NKAIN3: variants seen among roughly 807,000 people sequenced by gnomAD.
NKAIN3 encodes the protein sodium/potassium transporting ATPase interacting 3, also known as sodium/potassium-transporting ATPase subunit beta-1-interacting protein 3.
Under a neutral mutation model 30.2 loss-of-function variants are expected in NKAIN3, and 25 were observed. That is an observed-to-expected ratio of 0.83 (90% CI 0.60 to 1.16). The LOEUF is 1.16. Ranked by LOEUF, NKAIN3 falls within the 50% of genes most tolerant of loss-of-function variation. The pLI, the probability that NKAIN3 is intolerant of heterozygous loss-of-function variation, is 0.00. For missense variants in NKAIN3, 225 were observed against 254.1 expected (o/e 0.89, Z 0.78); for synonymous variants, 91 against 89.6 (o/e 1.02, Z -0.09).
intron 3 of NKAIN3, among the ~76,000 whole-genome samples, chr8:62,673,667 A>G (rs2130393989): frequency 1.3e-5 from 2 of 152,308 alleles, no homozygotes; most frequent in Middle Eastern, 6.8e-3. Flanking sequence ...GGTAGTGCCT[A>G]CTACATGCTT....
At chr8:62,423,442 A>G (rs1178001383) in intron 1 of NKAIN3, among the ~76,000 whole-genome samples, 1 of 149,274 alleles carries the variant, frequency 6.7e-6, no homozygotes, top group Non-Finnish European at 1.5e-5. Context: ...TATATATATT[A>G]TTTATACATA....
intron 3 of NKAIN3, among the ~76,000 whole-genome samples, chr8:62,670,317 T>C (rs34519764): frequency 0.055 from 8,304 of 152,276 alleles, 323 homozygotes; most frequent in Middle Eastern, 0.11. Context: ...ACTTGCAATA[T>C]AAAGAACATC....
chr8:62,580,854 G>A (rs972221390), intron 2 of NKAIN3, among the ~76,000 whole-genome samples: 2 of 151,298 alleles, frequency 1.3e-5, no homozygotes, highest in African/African-American at 4.9e-5. Flanking sequence ...ACTTTGGGAG[G>A]CTGAGGCAGG....
intron 1 of NKAIN3, among the ~76,000 whole-genome samples, chr8:62,386,070 A>G (rs1817416171): frequency 6.6e-6 from 1 of 152,202 alleles, no homozygotes; most frequent in South Asian, 2.1e-4. Flanking sequence ...GTACTTGTGT[A>G]CTGAGACTTC....
chr8:62,509,250 C>T (rs1191515538), intron 1 of NKAIN3, among the ~76,000 whole-genome samples: 2 of 152,006 alleles, frequency 1.3e-5, no homozygotes, highest in East Asian at 1.9e-4. Flanking sequence ...ATTATAGAGA[C>T]ATTTCTTCTT....
At chr8:62,740,881 A>G (rs1336057846) in intron 3 of NKAIN3, among the ~76,000 whole-genome samples, 1 of 152,160 alleles carries the variant, frequency 6.6e-6, no homozygotes, top group Non-Finnish European at 1.5e-5. Context: ...GGTAGATACC[A>G]TGGAATACAT....
At chr8:62,947,127 T>C (rs966116722) in intron 5 of NKAIN3, among the ~76,000 whole-genome samples, 5 of 152,232 alleles carry the variant, frequency 3.3e-5, no homozygotes, top group Admixed American at 2.0e-4. Flanking sequence ...TTAATGGATA[T>C]AGAAGTGTGC....
intron 4 of NKAIN3, among the ~76,000 whole-genome samples, chr8:62,784,189 TCAAA>T (rs1197128067): frequency 1.3e-5 from 2 of 151,940 alleles, no homozygotes; most frequent in Non-Finnish European, 2.9e-5. Context: ...AAAAAGGTTT[TCAAA>T]CAATTTGTCT....
intron 3 of NKAIN3, among the ~76,000 whole-genome samples, chr8:62,651,526 T>C (rs1812617416): frequency 6.6e-6 from 1 of 152,204 alleles, no homozygotes; most frequent in Non-Finnish European, 1.5e-5. Context: ...CAGAAATTTA[T>C]TCCCACTGTT....
intron 1 of NKAIN3, among the ~76,000 whole-genome samples, chr8:62,305,124 G>A (rs1277643847): frequency 6.7e-6 from 1 of 149,958 alleles, no homozygotes; most frequent in Non-Finnish European, 1.5e-5. Flanking sequence ...TTCTTAGTGT[G>A]TGGTTACATT....
intron 4 of NKAIN3, among the ~76,000 whole-genome samples, chr8:62,807,665 G>C (rs1818342887): frequency 6.7e-6 from 1 of 148,288 alleles, no homozygotes; most frequent in African/African-American, 2.5e-5. Flanking sequence ...CAATTCTCCT[G>C]CCTCAGCCTC....
intron 1 of NKAIN3, among the ~76,000 whole-genome samples, chr8:62,528,975 C>T (rs1808402593): frequency 6.6e-6 from 1 of 152,014 alleles, no homozygotes; most frequent in African/African-American, 2.4e-5. Context: ...TTGAATGAAG[C>T]CATAGGGGTA....
intron 2 of NKAIN3, among the ~76,000 whole-genome samples, chr8:62,586,967 G>A (rs985623873): frequency 6.6e-6 from 1 of 151,976 alleles, no homozygotes; most frequent in Admixed American, 6.6e-5. Context: ...AATACATGAT[G>A]TAAGCCTGCT....
intron 1 of NKAIN3, among the ~76,000 whole-genome samples, chr8:62,282,283 C>G (rs1405301120): frequency 6.6e-6 from 1 of 152,116 alleles, no homozygotes. Context: ...GGGTGGAAAT[C>G]AGGTGAGGCC....
At chr8:62,673,063 A>C (rs574571190) in intron 3 of NKAIN3, among the ~76,000 whole-genome samples, 2 of 152,330 alleles carry the variant, frequency 1.3e-5, no homozygotes, top group South Asian at 4.1e-4. Flanking sequence ...ACTAATGTTC[A>C]AAAAAGTCTA....
At chr8:62,735,712 C>A (rs999523051) in intron 3 of NKAIN3, among the ~76,000 whole-genome samples, 1 of 152,184 alleles carries the variant, frequency 6.6e-6, no homozygotes, top group South Asian at 2.1e-4. Flanking sequence ...GTTAAAGAAA[C>A]TTGTTTTGTT....
chr8:62,921,346 C>T (rs1822269176), intron 5 of NKAIN3, among the ~76,000 whole-genome samples: 1 of 152,126 alleles, frequency 6.6e-6, no homozygotes, highest in Non-Finnish European at 1.5e-5. Flanking sequence ...ATTCAAAATG[C>T]AAAGTTAAGC....
intron 4 of NKAIN3, among the ~76,000 whole-genome samples, chr8:62,874,911 C>T (rs1820748697): frequency 6.6e-6 from 1 of 152,132 alleles, no homozygotes; most frequent in South Asian, 2.1e-4. Context: ...CAGCACAACA[C>T]AAGGATGCCC....
At position 62,589,723 on chromosome 8, in the gene NKAIN3, TGG is replaced by T; in HGVS notation, c.203_204del (p.Trp68TyrfsTer73). On this transcript the variant is annotated frameshift_variant, in exon 3 of 7. Transcript: ENST00000623646. LOFTEE classifies it high-confidence loss of function. ...RPRYIMVYTV[W>X]TALWVTWNVF... The stretch of plus-strand genomic sequence containing the variant: ...CCCCATTTCTATCTAGTATACAGTG[TGG>T]ACTGCCCTCTGGGTCACCTGGAATG... 1 of 1,582,920 alleles carries T rather than the reference TGG, an allele frequency of 6.3e-7. No homozygotes were observed. Among genetic ancestry groups the T allele is most frequent in the Non-Finnish European group, 8.7e-7 (1 of 1,154,166 alleles).
Sources: allele counts gnomAD v4.1 joint callset (sites outside exome capture counted in the v4.1 genomes callset), GRCh38; gene constraint gnomAD v4.1.1; transcripts MANE v1.5; gene names NCBI Gene and HGNC (gene_info 2026-07-23, HGNC 2026-07-21).